Variants in LMNTD1 observed in about 807,000 individuals in gnomAD.
The protein encoded by LMNTD1 is lamin tail domain-containing protein 1.
Under a neutral mutation model 50.9 loss-of-function variants are expected in LMNTD1, and 35 were observed. The ratio of observed to expected loss-of-function variants is 0.69; its 90% confidence interval spans 0.53 to 0.91. The LOEUF (loss-of-function observed/expected upper bound fraction) is 0.91. LMNTD1 is among the 40% of genes least tolerant of loss of function. The pLI is 0.00. For synonymous variants in LMNTD1, 153 were observed against 161.9 expected (o/e 0.94, Z 0.42); for missense variants, 470 against 475.5 (o/e 0.99, Z 0.11).
At chr12:25,484,365 C>T (rs1051252813) in intron 9 of LMNTD1, among the ~76,000 whole-genome samples, 1 of 151,876 alleles carries the variant, frequency 6.6e-6, no homozygotes, top group Non-Finnish European at 1.5e-5. Flanking sequence ...TTCCAAAGTG[C>T]TGGGATAACA....
At chr12:25,640,503 C>CAA (rs199647514) in intron 1 of LMNTD1, among the ~76,000 whole-genome samples, 49 of 113,496 alleles carry the variant, frequency 4.3e-4, no homozygotes, top group East Asian at 2.5e-3. Context: ...GAGACTGTCT[C>CAA]AAAAAAAAAA....
chr12:25,595,925 G>A (rs567342133), intron 1 of LMNTD1, among the ~76,000 whole-genome samples: 3 of 152,130 alleles, frequency 2.0e-5, no homozygotes, highest in South Asian at 4.1e-4. Flanking sequence ...TGACACCACA[G>A]AAATACAAAA....
intron 4 of LMNTD1, among the ~76,000 whole-genome samples, chr12:25,544,100 G>C (rs992087460): frequency 6.6e-6 from 1 of 151,834 alleles, no homozygotes; most frequent in African/African-American, 2.4e-5. Context: ...GGTCTAATGT[G>C]CAACTTAACT....
intron 1 of LMNTD1, among the ~76,000 whole-genome samples, chr12:25,587,715 T>A (rs1945579525): frequency 6.6e-6 from 1 of 152,244 alleles, no homozygotes; most frequent in East Asian, 1.9e-4. Flanking sequence ...TACGAATCCA[T>A]TGAAGAAGAA....
chr12:25,537,467 A>T (rs917727357), intron 4 of LMNTD1, among the ~76,000 whole-genome samples: 1 of 152,168 alleles, frequency 6.6e-6, no homozygotes, highest in Admixed American at 6.5e-5. Flanking sequence ...GGGCACACTG[A>T]CACCTCACAC....
At chr12:25,596,150 A>T (rs902575551) in intron 1 of LMNTD1, among the ~76,000 whole-genome samples, 2 of 151,634 alleles carry the variant, frequency 1.3e-5, no homozygotes, top group Non-Finnish European at 3.0e-5. Flanking sequence ...CAGCACTCAA[A>T]GAAGAATTGG....
intron 9 of LMNTD1, among the ~76,000 whole-genome samples, chr12:25,476,694 A>C (rs138362631): frequency 1.3e-5 from 2 of 152,286 alleles, no homozygotes; most frequent in East Asian, 3.9e-4. Flanking sequence ...CTCTAGACTA[A>C]AGGATTTCTA....
intron 1 of LMNTD1, among the ~76,000 whole-genome samples, chr12:25,559,640 GA>G (rs1944203151): frequency 6.6e-6 from 1 of 152,218 alleles, no homozygotes; most frequent in Non-Finnish European, 1.5e-5. Flanking sequence ...CACAATGGTT[GA>G]ACTAGTTTAC....
chr12:25,626,461 T>C (rs976447693), intron 1 of LMNTD1, among the ~76,000 whole-genome samples: 2 of 152,144 alleles, frequency 1.3e-5, no homozygotes, highest in African/African-American at 4.8e-5. Context: ...TTTTCCCTTA[T>C]GCATTATAAA....
chr12:25,515,007 A>G (rs1940647380), intron 8 of LMNTD1, among the ~76,000 whole-genome samples: 1 of 152,112 alleles, frequency 6.6e-6, no homozygotes, highest in Non-Finnish European at 1.5e-5. Flanking sequence ...GCAAAATCTA[A>G]TAAAGTTGAA....
chr12:25,563,737 C>T (rs571194530), intron 1 of LMNTD1, among the ~76,000 whole-genome samples: 1 of 152,320 alleles, frequency 6.6e-6, no homozygotes, highest in South Asian at 2.1e-4. Flanking sequence ...TGCCCTGCCC[C>T]CAGGGGTGTA....
chr12:25,497,229 T>C (rs1222787152), intron 9 of LMNTD1, among the ~76,000 whole-genome samples: 3 of 152,098 alleles, frequency 2.0e-5, no homozygotes, highest in Non-Finnish European at 4.4e-5. Context: ...AGCCTGCAAC[T>C]GAGGTGGAGC....
At chr12:25,505,388 G>T (rs1040500921) in intron 8 of LMNTD1, among the ~76,000 whole-genome samples, 1 of 152,004 alleles carries the variant, frequency 6.6e-6, no homozygotes, top group Non-Finnish European at 1.5e-5. Flanking sequence ...AAAATATCTG[G>T]TCATAATGTT....
At chr12:25,642,786 G>T (rs961511698) in intron 1 of LMNTD1, among the ~76,000 whole-genome samples, 4 of 152,182 alleles carry the variant, frequency 2.6e-5, no homozygotes, top group Non-Finnish European at 5.9e-5. Context: ...ATTTGAGTCA[G>T]AGCTACCTTA....
At chr12:25,521,011 G>A (rs1240514172) in intron 6 of LMNTD1, among the ~76,000 whole-genome samples, 1 of 152,114 alleles carries the variant, frequency 6.6e-6, no homozygotes, top group African/African-American at 2.4e-5. Flanking sequence ...AAATGTCTTT[G>A]GAGAAATGTC....
At chr12:25,532,577 G>A (rs1220640818) in intron 4 of LMNTD1, among the ~76,000 whole-genome samples, 1 of 152,048 alleles carries the variant, frequency 6.6e-6, no homozygotes, top group African/African-American at 2.4e-5. Context: ...TCTCAGAAGA[G>A]GAATTATGAA....
chr12:25,644,238 G>A (rs1002125423), intron 1 of LMNTD1, among the ~76,000 whole-genome samples: 1 of 144,400 alleles, frequency 6.9e-6, no homozygotes, highest in Non-Finnish European at 1.5e-5. Context: ...GACTTTGGGA[G>A]GTCAAGGCAG....
At chr12:25,560,543 T>C (rs942862276) in intron 1 of LMNTD1, among the ~76,000 whole-genome samples, 5 of 152,202 alleles carry the variant, frequency 3.3e-5, no homozygotes, top group Non-Finnish European at 5.9e-5. Flanking sequence ...TTTGGTTCCA[T>C]ATGAACTTTA....
intron 4 of LMNTD1, among the ~76,000 whole-genome samples, chr12:25,529,334 A>C (rs1265212688): frequency 6.6e-6 from 1 of 152,268 alleles, no homozygotes; most frequent in South Asian, 2.1e-4. Context: ...ATGACTGCTA[A>C]AACTAAATCT....
Sources: allele counts gnomAD v4.1 joint callset (sites outside exome capture counted in the v4.1 genomes callset), GRCh38; gene constraint gnomAD v4.1.1; transcripts MANE v1.5; gene names NCBI Gene and HGNC (gene_info 2026-07-23, HGNC 2026-07-21).